The following CCDC148 variants were observed in gnomAD, a reference collection of about 807,000 sequenced individuals.
CCDC148 encodes coiled-coil domain-containing protein 148.
A neutral mutation model predicts 85.7 loss-of-function variants in CCDC148; 89 were observed. The observed-to-expected ratio is 1.04, with a 90% CI of 0.87 to 1.24. The LOEUF is 1.24. Among genes scored for constraint, CCDC148 ranks in the 50% most tolerant of loss-of-function variants. The probability of loss-of-function intolerance (pLI) is 0.00; values close to 1 mark genes in which losing one functional copy is unlikely to be tolerated. For missense variants in CCDC148, 692 were observed against 671.7 expected (o/e 1.03, Z -0.33); for synonymous variants, 230 against 213.9 (o/e 1.08, Z -0.66).
At chr2:158,180,701 G>A (rs1329014947) in intron 11 of CCDC148, among the ~76,000 whole-genome samples, 1 of 152,080 alleles carries the variant, frequency 6.6e-6, no homozygotes, top group Non-Finnish European at 1.5e-5. Context: ...GCAGCCACAG[G>A]GTTCCCTTAG....
chr2:158,353,976 C>T (rs1274347370), intron 2 of CCDC148, among the ~76,000 whole-genome samples: 14 of 152,096 alleles, frequency 9.2e-5, no homozygotes, highest in South Asian at 4.1e-4. Flanking sequence ...CCTGAATGAC[C>T]ACTGGGTACA....
intron 9 of CCDC148, among the ~76,000 whole-genome samples, chr2:158,278,691 G>T (rs1003445281): frequency 3.3e-5 from 5 of 152,270 alleles, no homozygotes; most frequent in Non-Finnish European, 5.9e-5. Context: ...CTCCGCCTCT[G>T]GGGGCAGGGC....
chr2:158,376,885 G>A (rs1168020085), intron 1 of CCDC148, among the ~76,000 whole-genome samples: 1 of 152,010 alleles, frequency 6.6e-6, no homozygotes, highest in Non-Finnish European at 1.5e-5. Flanking sequence ...GGCTAATTTT[G>A]AAGCATGAAA....
intron 9 of CCDC148, among the ~76,000 whole-genome samples, chr2:158,253,253 T>C (rs569857748): frequency 3.3e-5 from 5 of 151,842 alleles, no homozygotes; most frequent in South Asian, 4.1e-4. Context: ...CTGATCAATA[T>C]AGAATCTAAA....
intron 9 of CCDC148, among the ~76,000 whole-genome samples, chr2:158,283,293 C>G (rs1323391494): frequency 6.6e-6 from 1 of 152,174 alleles, no homozygotes; most frequent in African/African-American, 2.4e-5. Flanking sequence ...TCTAATTAAA[C>G]TAAAGAGCTT....
intron 10 of CCDC148, among the ~76,000 whole-genome samples, chr2:158,238,976 T>C (rs548625305): frequency 1.4e-4 from 22 of 152,192 alleles, no homozygotes; most frequent in Non-Finnish European, 2.5e-4. Context: ...TTAATGTTCA[T>C]GTGACTTTGG....
intron 11 of CCDC148, among the ~76,000 whole-genome samples, chr2:158,219,192 A>C (rs1462101559): frequency 1.3e-5 from 2 of 152,210 alleles, no homozygotes; most frequent in Non-Finnish European, 2.9e-5. Context: ...ATTTTTTTAC[A>C]GCGACTAACT....
At chr2:158,448,231 A>G (rs1688242303) in intron 1 of CCDC148, among the ~76,000 whole-genome samples, 1 of 152,176 alleles carries the variant, frequency 6.6e-6, no homozygotes, top group African/African-American at 2.4e-5. Context: ...CTAAGTGTCT[A>G]TCATTATGCC....
At chr2:158,243,891 ATT>A (rs35809631) in intron 10 of CCDC148, among the ~76,000 whole-genome samples, 3 of 148,062 alleles carry the variant, frequency 2.0e-5, no homozygotes, top group African/African-American at 7.4e-5. Flanking sequence ...CACCTTCAAC[ATT>A]TTTTTTTTTT....
intron 1 of CCDC148, among the ~76,000 whole-genome samples, chr2:158,443,515 A>AAAAAAAAAAAAAAAAAAAAAAAGAAAAG (rs1553524474): frequency 3.7e-3 from 377 of 100,788 alleles, no homozygotes; most frequent in Non-Finnish European, 6.0e-3. Context: ...AAAAAAAAAA[A>AAAAAAAAAAAAAAAAAAAAAAAGAAAAG]AAAAAAAAGA....
intron 2 of CCDC148, among the ~76,000 whole-genome samples, chr2:158,347,650 A>T (rs1683060282): frequency 6.6e-6 from 1 of 152,120 alleles, no homozygotes. Context: ...TCATAAAAGA[A>T]TCAGAAACCA....
intron 9 of CCDC148, among the ~76,000 whole-genome samples, chr2:158,287,256 T>C (rs1467076080): frequency 1.3e-5 from 2 of 152,096 alleles, no homozygotes; most frequent in African/African-American, 4.8e-5. Context: ...AGCCATACCA[T>C]ATCATTCCAC....
intron 11 of CCDC148, among the ~76,000 whole-genome samples, chr2:158,201,024 C>T (rs180867314): frequency 6.6e-6 from 1 of 152,250 alleles, no homozygotes; most frequent in African/African-American, 2.4e-5. Flanking sequence ...TAGCCCTGTT[C>T]CTTCAGGTGG....
chr2:158,232,044 T>C (rs567867032), intron 10 of CCDC148, among the ~76,000 whole-genome samples: 6 of 149,038 alleles, frequency 4.0e-5, no homozygotes, highest in South Asian at 2.3e-4. Flanking sequence ...AGGATTCTTA[T>C]AATGTTCCAA....
At chr2:158,337,600 A>AGAAAGGAAAGGAGAGAGATGG (rs1210526924) in intron 7 of CCDC148, among the ~76,000 whole-genome samples, 2 of 152,170 alleles carry the variant, frequency 1.3e-5, no homozygotes, top group East Asian at 3.9e-4. Context: ...ATAGGAAAGA[A>AGAAAGGAAAGGAGAGAGATGG]GAAAGGAAAG....
At chr2:158,419,298 A>T (rs1686655637) in intron 1 of CCDC148, among the ~76,000 whole-genome samples, 1 of 152,234 alleles carries the variant, frequency 6.6e-6, no homozygotes, top group Admixed American at 6.5e-5. Context: ...TGGAAAGGTT[A>T]TATTAAGAAT....
Position 158,172,125 on chromosome 2 carries a change from T to G in CCDC148, c.1764A>C (p.Val588=). 2 of 1,600,568 alleles carry G rather than the reference T, an allele frequency of 1.2e-6. No homozygotes were observed. Among genetic ancestry groups the G allele is most frequent in the Non-Finnish European group, 1.7e-6 (2 of 1,174,612 alleles). ...KPPRKDMEST[V]FKI is the part of the protein sequence containing the mutation. ...TTGAGGATGAGCTCTATATTTTAAA[T>G]ACAGTAGACTCCATGTCCTTTCTTG... Residue 588 remains valine, a synonymous_variant, in exon 14 of 14, where the codon GTA becomes GTC. Transcript: ENST00000283233.
intron 1 of CCDC148, among the ~76,000 whole-genome samples, chr2:158,406,613 CTTTTTTT>C (rs61612452): frequency 3.2e-4 from 10 of 31,454 alleles, no homozygotes; most frequent in South Asian, 2.2e-3. Flanking sequence ...GATTAAATTT[CTTTTTTT>C]TTTTTTTTTT....
intron 1 of CCDC148, among the ~76,000 whole-genome samples, chr2:158,386,820 C>T (rs1685105588): frequency 6.6e-6 from 1 of 152,080 alleles, no homozygotes; most frequent in South Asian, 2.1e-4. Context: ...TCTACCTCCC[C>T]TCATATGCAC....
Sources: allele counts gnomAD v4.1 joint callset (sites outside exome capture counted in the v4.1 genomes callset), GRCh38; gene constraint gnomAD v4.1.1; transcripts MANE v1.5; gene names NCBI Gene and HGNC (gene_info 2026-07-23, HGNC 2026-07-21).